The following NFASC variants were observed in gnomAD, a reference collection of about 807,000 sequenced individuals.
The protein encoded by NFASC is neurofascin.
In NFASC, 43 loss-of-function variants were observed where a neutral mutation model predicts 147.5. The ratio of observed to expected loss-of-function variants is 0.29; its 90% CI spans 0.23 to 0.38. The LOEUF (loss-of-function observed/expected upper bound fraction) is 0.38, where lower values mean the gene tolerates loss of function less well. Among genes scored for constraint, NFASC ranks in the 10% least tolerant of loss-of-function variants. The probability of loss-of-function intolerance (pLI) is 1.00; values close to 1 mark genes in which losing one functional copy is unlikely to be tolerated. For synonymous variants in NFASC, 622 were observed against 665.5 expected, an observed-to-expected ratio of 0.93 and a Z score of 1.01; for missense variants, 1,320 against 1,689.0, an observed-to-expected ratio of 0.78 and a Z score of 3.83.
At chr1:204,977,846 C>G in intron 17 of NFASC, 121 bp downstream of exon 17, 1 of 821,560 alleles carries the variant, frequency 1.2e-6, no homozygotes. Context: ...GGGCAGCACT[C>G]CTGGCTACAT....
At chr1:204,972,016 A>G (rs528853575) in intron 11 of NFASC, among the ~76,000 whole-genome samples, 1 of 152,318 alleles carries the variant, frequency 6.6e-6, no homozygotes, top group East Asian at 1.9e-4. Flanking sequence ...TTGCACGAGA[A>G]TTTGCCAGGC....
intron 1 of NFASC, among the ~76,000 whole-genome samples, chr1:204,839,368 AACACACACACACACAC>A (rs55784616): frequency 0.04 from 5,341 of 135,174 alleles, 281 homozygotes; most frequent in East Asian, 0.17. Context: ...GCACGTATGA[AACACACACACACACAC>A]ACACACACAC....
intron 1 of NFASC, among the ~76,000 whole-genome samples, chr1:204,852,545 G>C (rs1160830672): frequency 1.3e-5 from 2 of 152,194 alleles, no homozygotes; most frequent in Admixed American, 6.5e-5. Flanking sequence ...GAATCCTTGT[G>C]AGAAGTAAGT....
Position 204,968,044 on chromosome 1 carries a change from C to T in NFASC, c.707-205C>T, listed in dbSNP as rs2095056661. ...AGGCAGATCCTTTCAGAACCTAGAG[C>T]TCCTCTCTCTCATGTAGGTGGGGCT... On this transcript the variant is annotated intron_variant, in intron 8 of 29. Transcript: ENST00000339876. This position sits in a 1 kb window ranked among gnomAD's most constrained non-coding sequence, Gnocchi z 5.4. The T allele has an allele frequency of 1.9e-6, 1 of 530,118 alleles. No homozygotes were observed. The highest frequency in any genetic ancestry group is 3.4e-6 in the Non-Finnish European group (1 of 294,190). 32.8% of individuals were successfully genotyped at this position (530,118 alleles called of 1,614,324 possible).
At chr1:204,925,481 C>G (rs2091327350) in intron 2 of NFASC, among the ~76,000 whole-genome samples, 1 of 152,180 alleles carries the variant, frequency 6.6e-6, no homozygotes, top group East Asian at 1.9e-4. Context: ...GCATGGCTTC[C>G]CAGCTAGTGG....
intron 1 of NFASC, among the ~76,000 whole-genome samples, chr1:204,858,448 C>T (rs2076359339): frequency 6.6e-6 from 1 of 152,104 alleles, no homozygotes; most frequent in South Asian, 2.1e-4. Context: ...GTCTGAGTGA[C>T]TCATCCAAGC....
intron 21 of NFASC, 49 bp downstream of exon 21, chr1:204,982,069 C>T (rs1390945512): frequency 1.4e-5 from 18 of 1,283,514 alleles, no homozygotes; most frequent in South Asian, 3.2e-5. Context: ...GTGGCTAGGT[C>T]GCACGAGGCC....
intron 1 of NFASC, among the ~76,000 whole-genome samples, chr1:204,902,346 A>G (rs2084816385): frequency 6.6e-6 from 1 of 152,230 alleles, no homozygotes; most frequent in African/African-American, 2.4e-5. Context: ...AAAGAGGCCT[A>G]TTACACATAT....
intron 1 of NFASC, among the ~76,000 whole-genome samples, chr1:204,861,500 T>A (rs1276661827): frequency 3.3e-5 from 5 of 152,052 alleles, no homozygotes; most frequent in Non-Finnish European, 7.4e-5. Context: ...TCTCACTTCT[T>A]TTTTTTTGAG....
chr1:204,997,121 G>A, intron 24 of NFASC, 49 bp from the exon 25 acceptor site: 2 of 1,575,260 alleles, frequency 1.3e-6, no homozygotes, highest in Non-Finnish European at 8.6e-7. Context: ...TGTCCAGGCT[G>A]GGCACAGCCA....
intron 8 of NFASC, among the ~76,000 whole-genome samples, chr1:204,961,081 G>A (rs1467781850): frequency 6.6e-6 from 1 of 152,176 alleles, no homozygotes; most frequent in East Asian, 1.9e-4. Context: ...CCAGTCAGCT[G>A]TATACCCCAC....
Position 204,954,964 on chromosome 1 carries a change from G to T in NFASC, c.535+13G>T. The T allele has an allele frequency of 1.2e-6, 2 of 1,614,072 alleles. No individual in the cohort carries two copies. The highest frequency in any genetic ancestry group is 1.1e-5 in the South Asian group (1 of 91,072). On this transcript the variant is annotated intron_variant, in intron 7 of 29. Transcript: ENST00000339876. This position sits in a 1 kb window ranked among gnomAD's most constrained non-coding sequence, Gnocchi z 5.7. The stretch of plus-strand genomic sequence containing the variant: ...TGGATGAGCAGCTGTGAGTCTTGGG[G>T]GCCTGGTGTTGTGTTTATATCTTAA...
intron 1 of NFASC, among the ~76,000 whole-genome samples, chr1:204,859,809 C>A (rs1179213565): frequency 6.6e-6 from 1 of 152,148 alleles, no homozygotes; most frequent in Non-Finnish European, 1.5e-5. Flanking sequence ...TGCTAAGGGT[C>A]TTGTCTTTTC....
intron 2 of NFASC, among the ~76,000 whole-genome samples, chr1:204,935,490 G>A (rs977742979): frequency 1.3e-5 from 2 of 152,200 alleles, no homozygotes; most frequent in Non-Finnish European, 2.9e-5. Context: ...GTTTGGGAAC[G>A]TATTCAGCTT....
chr1:204,982,768 G>A (rs1434728579), intron 21 of NFASC, among the ~76,000 whole-genome samples: 1 of 152,246 alleles, frequency 6.6e-6, no homozygotes, highest in Non-Finnish European at 1.5e-5. Flanking sequence ...GAGGGCCTTT[G>A]CGCCCTGTTG....
At position 205,021,567 on chromosome 1, in the gene NFASC, C is replaced by T. The variant is rs758502139; in HGVS notation, c.*5028C>T. On this transcript the variant is annotated 3_prime_UTR_variant, in exon 30 of 30. Transcript: ENST00000339876. ...ATCCACAGAAGTGAAGGGATTTTTG[C>T]TCAAGATCACATAGCTGGTAAACTA... 1.3e-5 allele frequency: 2 copies of T among 153,088 alleles called. No homozygotes were observed. Among genetic ancestry groups the T allele is most frequent in the Non-Finnish European group, 2.9e-5 (2 of 68,032 alleles). 9.5% of individuals were successfully genotyped at this position (153,088 alleles called of 1,614,324 possible).
In NFASC at chr1:204,994,078, C is replaced by T. The variant is rs541002355; in HGVS notation, c.2782+2772C>T. 1.4e-4 allele frequency among the ~76,000 whole-genome samples: 22 copies of T among 152,266 alleles called. No individual in the cohort carries two copies. The East Asian group carries it at 2.3e-3, about 16-fold the overall frequency. ...CAATAGACACAGCTAATGAGTGGGT[C>T]GGAGATGTGCCAGCAGTGACCTTAG... On this transcript the variant is annotated intron_variant, in intron 24 of 29. Coordinates refer to ENST00000339876, the MANE Select transcript of NFASC (RefSeq NM_001005388.3).
chr1:204,842,982 G>GTGGGTAAGGGC (rs1675810616), intron 1 of NFASC, among the ~76,000 whole-genome samples: 1 of 152,246 alleles, frequency 6.6e-6, no homozygotes, highest in African/African-American at 2.4e-5. Context: ...TGATGTGGGA[G>GTGGGTAAGGGC]TGGGTCAGGG....
chr1:204,970,562 TCTGCCTGTCCCATGCCATCTAACTCCC>T, intron 10 of NFASC, 27 bp from the exon 11 acceptor site: 1 of 1,608,274 alleles, frequency 6.2e-7, no homozygotes, highest in Non-Finnish European at 8.5e-7. Flanking sequence ...CTTGGTTTCT[TCTGCCTGTCCCATGCCATCTAACTCCC>T]CTGCCTGTGT....
Sources: gnomAD v4.1 joint callset for allele counts (sites outside exome capture counted in the v4.1 genomes callset) on GRCh38, gnomAD v4.1.1 for gene constraint, Gnocchi (gnomAD v3.1) non-coding constraint, MANE v1.5 for transcripts, NCBI Gene and HGNC (gene_info 2026-07-23, HGNC 2026-07-21) for gene names.